Variants in UNC5D observed in about 807,000 individuals in gnomAD.
UNC5D encodes the protein netrin receptor UNC5D.
A neutral mutation model predicts 105.4 loss-of-function variants in UNC5D; 39 were observed. The observed-to-expected ratio is 0.37, with a 90% CI of 0.29 to 0.48. The LOEUF (loss-of-function observed/expected upper bound fraction) is 0.48. Ranked by LOEUF, UNC5D falls within the 20% of genes least tolerant of loss-of-function variation. The probability of loss-of-function intolerance (pLI) is 0.98; values close to 1 mark genes in which losing one functional copy is unlikely to be tolerated. For synonymous variants in UNC5D, 452 were observed against 450.4 expected (o/e 1.00, Z -0.04); for missense variants, 991 against 1,202.4 (o/e 0.82, Z 2.60).
chr8:35,619,788 T>C (rs1440267491), intron 4 of UNC5D, among the ~76,000 whole-genome samples: 1 of 152,236 alleles, frequency 6.6e-6, no homozygotes, highest in Non-Finnish European at 1.5e-5. Context: ...CTCTGCCAGA[T>C]GCTGTGACCA....
At chr8:35,406,920 G>A (rs1804842061) in intron 1 of UNC5D, among the ~76,000 whole-genome samples, 2 of 152,020 alleles carry the variant, frequency 1.3e-5, no homozygotes, top group Non-Finnish European at 2.9e-5. Flanking sequence ...GGTATATATG[G>A]TGCATGTATA....
intron 4 of UNC5D, among the ~76,000 whole-genome samples, chr8:35,617,794 C>A (rs1821121758): frequency 6.6e-6 from 1 of 152,192 alleles, no homozygotes; most frequent in African/African-American, 2.4e-5. Flanking sequence ...GCTGAGAATC[C>A]CCTGCTGTGG....
chr8:35,381,293 TAG>T (rs1803029452), intron 1 of UNC5D, among the ~76,000 whole-genome samples: 1 of 152,200 alleles, frequency 6.6e-6, no homozygotes, highest in South Asian at 2.1e-4. Flanking sequence ...ATTTTGCCTT[TAG>T]AGTCCAAATA....
At chr8:35,439,403 G>A (rs1053148401) in intron 1 of UNC5D, among the ~76,000 whole-genome samples, 1 of 151,962 alleles carries the variant, frequency 6.6e-6, no homozygotes, top group Non-Finnish European at 1.5e-5. Context: ...GCCAGTTGGG[G>A]GCAACAGATA....
chr8:35,253,473 CTTTTTT>C (rs58063448), intron 1 of UNC5D, among the ~76,000 whole-genome samples: 56 of 99,820 alleles, frequency 5.6e-4, no homozygotes, highest in African/African-American at 1.9e-3. Flanking sequence ...ATTTTATTTC[CTTTTTT>C]TTTTTTTTTT....
intron 4 of UNC5D, among the ~76,000 whole-genome samples, chr8:35,596,033 C>T (rs1453759819): frequency 6.6e-6 from 1 of 152,146 alleles, no homozygotes; most frequent in Non-Finnish European, 1.5e-5. Context: ...TGAAAAAGCC[C>T]ATAGGAAAGG....
chr8:35,255,029 C>G (rs1390700671), intron 1 of UNC5D: 1 of 152,086 alleles, frequency 6.6e-6, no homozygotes, highest in Non-Finnish European at 1.5e-5. Flanking sequence ...TAAAAAATCC[C>G]AAAATAACCA....
chr8:35,733,613 GT>G (rs1448217660), intron 11 of UNC5D, among the ~76,000 whole-genome samples: 1 of 152,192 alleles, frequency 6.6e-6, no homozygotes, highest in East Asian at 1.9e-4. Context: ...ACAGAGCACA[GT>G]AGGATCTTCC....
intron 1 of UNC5D, among the ~76,000 whole-genome samples, chr8:35,304,125 TC>T (rs1347843673): frequency 6.6e-6 from 1 of 152,096 alleles, no homozygotes. Flanking sequence ...GGTTTTTTTT[TC>T]CTTAAGTGTC....
intron 1 of UNC5D, among the ~76,000 whole-genome samples, chr8:35,382,265 A>T (rs1276156443): frequency 2.0e-5 from 3 of 152,200 alleles, no homozygotes; most frequent in Non-Finnish European, 4.4e-5. Flanking sequence ...GTTTTCCCCT[A>T]CAGCGGTTGA....
chr8:35,381,012 T>C (rs999151377), intron 1 of UNC5D, among the ~76,000 whole-genome samples: 51 of 149,510 alleles, frequency 3.4e-4, no homozygotes, highest in African/African-American at 1.1e-3. Flanking sequence ...TGGCTACAAA[T>C]GAAGCAGGGA....
At chr8:35,248,155 T>C (rs1414443755) in intron 1 of UNC5D, among the ~76,000 whole-genome samples, 1 of 39,282 alleles carries the variant, frequency 2.5e-5, no homozygotes, top group Non-Finnish European at 3.9e-5. Context: ...ATATATAATA[T>C]ATAAATATAT....
chr8:35,425,038 G>A (rs1391739567), intron 1 of UNC5D, among the ~76,000 whole-genome samples: 2 of 152,134 alleles, frequency 1.3e-5, no homozygotes, highest in Non-Finnish European at 2.9e-5. Context: ...TCCCACGTGG[G>A]GTGGGGGAAG....
intron 3 of UNC5D, among the ~76,000 whole-genome samples, chr8:35,594,297 G>T (rs376663615): frequency 1.3e-5 from 2 of 152,322 alleles, no homozygotes; most frequent in African/African-American, 4.8e-5. Context: ...ATGGCTTGCC[G>T]TGCTTGTTAT....
At chr8:35,403,433 C>CTAGG (rs1226573782) in intron 1 of UNC5D, among the ~76,000 whole-genome samples, 2 of 152,218 alleles carry the variant, frequency 1.3e-5, no homozygotes, top group African/African-American at 4.8e-5. Context: ...AGACACTGAG[C>CTAGG]TAGGCACTGA....
chr8:35,571,599 G>A (rs1350254867), intron 3 of UNC5D, among the ~76,000 whole-genome samples: 1 of 152,134 alleles, frequency 6.6e-6, no homozygotes, highest in Admixed American at 6.5e-5. Flanking sequence ...TTTGCTTGCA[G>A]GGAAAAGAAA....
intron 1 of UNC5D, among the ~76,000 whole-genome samples, chr8:35,538,253 G>T: frequency 6.6e-6 from 1 of 151,388 alleles, no homozygotes; most frequent in Non-Finnish European, 1.5e-5. Flanking sequence ...ATCTCCAGGT[G>T]AAGAGAGTTT....
Position 35,400,478 on chromosome 8 carries a change from C to T in UNC5D, c.104-148814C>T, listed in dbSNP as rs117457347. On this transcript the variant is annotated intron_variant, in intron 1 of 16. Coordinates refer to ENST00000404895, the MANE Select transcript of UNC5D (RefSeq NM_080872.4). ...GAAGCAAAATTTTGTCAGGCAGGGA[C>T]ACTTTCTTCTTTGCTGGTCTTTTCT... is the stretch of plus-strand genomic sequence containing the variant. Among the ~76,000 whole-genome samples the T allele has an allele frequency of 6.6e-5, 10 of 152,206 alleles. No homozygotes were observed. The East Asian group carries it at 1.9e-3, about 29-fold the overall frequency.
chr8:35,533,031 C>G (rs1356127008), intron 1 of UNC5D, among the ~76,000 whole-genome samples: 1 of 147,898 alleles, frequency 6.8e-6, no homozygotes. Context: ...TCGTCTGAAG[C>G]CTTCTTCTCT....
Sources: allele counts gnomAD v4.1 joint callset (sites outside exome capture counted in the v4.1 genomes callset), GRCh38; gene constraint gnomAD v4.1.1; transcripts MANE v1.5; gene names NCBI Gene and HGNC (gene_info 2026-07-23, HGNC 2026-07-21).